The following UVRAG variants were observed in gnomAD, a reference collection of about 807,000 sequenced individuals.
UVRAG encodes UV radiation resistance-associated gene protein.
In UVRAG, 19 loss-of-function variants were observed where a neutral mutation model predicts 78.0. That is an observed-to-expected ratio of 0.24 (90% CI 0.17 to 0.36). UVRAG has a LOEUF of 0.36. UVRAG is among the 10% of genes least tolerant of loss of function. The probability of loss-of-function intolerance (pLI) is 1.00; values close to 1 mark genes in which losing one functional copy is unlikely to be tolerated. For missense variants in UVRAG, 740 were observed against 853.8 expected, an observed-to-expected ratio of 0.87 and a Z score of 1.66; for synonymous variants, 323 against 324.6, an observed-to-expected ratio of 1.00 and a Z score of 0.05.
rs1486226667 is a variant in UVRAG, at chr11:76,134,245, G to A, written c.1398-6466G>A. 2.0e-5 allele frequency among the ~76,000 whole-genome samples: 3 copies of A among 148,844 alleles called. No homozygotes were observed. The East Asian group carries it at 5.9e-4, about 29-fold the overall frequency. On this transcript the variant is annotated intron_variant, in intron 14 of 14. Coordinates refer to ENST00000356136, the MANE Select transcript of UVRAG (RefSeq NM_003369.4). ...CAAAGTGCTGGGATTACAGGCATGA[G>A]CCACCACACCTGGCCTTTTTTTTTT...
chr11:75,876,306 C>T (rs150923615), intron 3 of UVRAG, among the ~76,000 whole-genome samples: 238 of 152,262 alleles, frequency 1.6e-3, no homozygotes, highest in African/African-American at 5.4e-3. Context: ...TATATTTACC[C>T]ACATGTTTAC....
intron 14 of UVRAG, among the ~76,000 whole-genome samples, chr11:76,139,990 TTA>T (rs1952676436): frequency 8.5e-5 from 12 of 141,846 alleles, no homozygotes; most frequent in Admixed American, 7.0e-5. Context: ...GTTTTTCATT[TTA>T]AAAAAAAAAA....
At chr11:75,879,605 G>A (rs952206395) in intron 3 of UVRAG, among the ~76,000 whole-genome samples, 6 of 152,140 alleles carry the variant, frequency 3.9e-5, no homozygotes, top group Admixed American at 1.3e-4. Context: ...ATTAAGTGTC[G>A]AATAAATGAA....
chr11:75,842,358 A>G (rs1945933645), intron 1 of UVRAG, among the ~76,000 whole-genome samples: 1 of 151,938 alleles, frequency 6.6e-6, no homozygotes, highest in African/African-American at 2.4e-5. Flanking sequence ...GTATTTTAAA[A>G]TTGTGGGTGT....
chr11:75,963,853 A>T (rs1227547671), intron 7 of UVRAG, among the ~76,000 whole-genome samples: 1 of 151,984 alleles, frequency 6.6e-6, no homozygotes, highest in Non-Finnish European at 1.5e-5. Flanking sequence ...TTGAGGTGAG[A>T]TCTCACTATG....
chr11:76,129,569 G>A (rs1178177304), intron 14 of UVRAG, among the ~76,000 whole-genome samples: 9 of 152,150 alleles, frequency 5.9e-5, no homozygotes, highest in Non-Finnish European at 1.2e-4. Context: ...TCCCAGTCAC[G>A]ATAAGCTCTT....
intron 13 of UVRAG, among the ~76,000 whole-genome samples, chr11:76,085,061 C>T (rs76116837): frequency 4.0e-5 from 4 of 99,260 alleles, no homozygotes; most frequent in African/African-American, 2.0e-4. Flanking sequence ...GAGACCCTGT[C>T]TCAAAAAAAA....
intron 8 of UVRAG, among the ~76,000 whole-genome samples, chr11:75,994,735 C>T (rs1373125422): frequency 6.6e-6 from 1 of 152,178 alleles, no homozygotes; most frequent in Non-Finnish European, 1.5e-5. Flanking sequence ...TACTCCAAAG[C>T]CTGTCTTGTT....
At chr11:75,914,706 C>G (rs1402540367) in intron 6 of UVRAG, 2 of 152,164 alleles carry the variant, frequency 1.3e-5, no homozygotes, top group East Asian at 1.9e-4. Flanking sequence ...GTTGGTCAGG[C>G]TGGTCTTGAA....
At chr11:75,831,853 C>G (rs1945666287) in intron 1 of UVRAG, among the ~76,000 whole-genome samples, 1 of 152,206 alleles carries the variant, frequency 6.6e-6, no homozygotes, top group South Asian at 2.1e-4. Context: ...GTAGCTTAGC[C>G]TAGCCTGTGT....
chr11:75,944,173 C>CA (rs1408785720), intron 6 of UVRAG, among the ~76,000 whole-genome samples: 3 of 152,104 alleles, frequency 2.0e-5, no homozygotes, highest in African/African-American at 7.2e-5. Flanking sequence ...ATTCCCAATA[C>CA]CCTAAACAGC....
intron 9 of UVRAG, among the ~76,000 whole-genome samples, chr11:76,006,737 C>A (rs1040179806): frequency 4.3e-5 from 6 of 139,404 alleles, no homozygotes; most frequent in Admixed American, 1.4e-4. Context: ...GTTGTTTTTA[C>A]TTTTTTTCTT....
chr11:76,089,725 A>G (rs1336593776), intron 13 of UVRAG, among the ~76,000 whole-genome samples: 3 of 152,346 alleles, frequency 2.0e-5, no homozygotes, highest in Non-Finnish European at 4.4e-5. Context: ...AGATTATGTT[A>G]CTACTTGCCT....
chr11:75,875,774 T>C (rs993908247), intron 3 of UVRAG, among the ~76,000 whole-genome samples: 3 of 152,210 alleles, frequency 2.0e-5, no homozygotes, highest in African/African-American at 7.2e-5. Context: ...ACTTATGCTG[T>C]TTAGGGGTAT....
At chr11:76,014,193 A>G (rs1191301319) in intron 11 of UVRAG, among the ~76,000 whole-genome samples, 1 of 152,248 alleles carries the variant, frequency 6.6e-6, no homozygotes, top group Non-Finnish European at 1.5e-5. Flanking sequence ...ATGTAGTCTC[A>G]AAATATACAA....
intron 12 of UVRAG, among the ~76,000 whole-genome samples, chr11:76,040,572 G>T (rs1052282434): frequency 6.6e-6 from 1 of 151,686 alleles, no homozygotes; most frequent in Admixed American, 6.6e-5. Flanking sequence ...TTTGGTTGGG[G>T]CGGGGACGGA....
chr11:75,912,356 A>G (rs1438441536), intron 6 of UVRAG, among the ~76,000 whole-genome samples: 1 of 152,212 alleles, frequency 6.6e-6, no homozygotes, highest in African/African-American at 2.4e-5. Flanking sequence ...AGTTAGACTT[A>G]TCAAAGTCTT....
At position 75,824,663 on chromosome 11, in the gene UVRAG, T is replaced by C. The variant is rs1052733973; in HGVS notation, c.117+9139T>C. On this transcript the variant is annotated intron_variant, in intron 1 of 14. Transcript: ENST00000356136. ...TGTTACTGCTGGGGAGAAAAAGAAGTTTGTCATTTTTTTTTTTTTTTTTTT... is the reference window on the plus strand; with the variant it reads ...TGTTACTGCTGGGGAGAAAAAGAAGCTTGTCATTTTTTTTTTTTTTTTTTT... Among the ~76,000 whole-genome samples, 5 of 150,102 alleles carry C rather than the reference T, an allele frequency of 3.3e-5. No homozygotes were observed. The South Asian group carries it at 1.0e-3, about 31-fold the overall frequency.
chr11:76,132,516 TAAAAC>T lies in UVRAG; in HGVS notation c.1398-8192_1398-8188del, dbSNP rs1470387573. Among the ~76,000 whole-genome samples, 4 of 151,692 alleles carry T rather than the reference TAAAAC, an allele frequency of 2.6e-5. No homozygotes were observed. The East Asian group carries it at 7.7e-4, about 29-fold the overall frequency. Reference sequence around the variant, plus strand: ...AGTGTGGGACCTGGTTGTAGACAGATAAAACAAGTACAAGTGAATCTGAAAGAGAA... The same window carrying T: ...AGTGTGGGACCTGGTTGTAGACAGATAAGTACAAGTGAATCTGAAAGAGAA... On this transcript the variant is annotated intron_variant, in intron 14 of 14. Transcript: ENST00000356136.
Sources: allele counts gnomAD v4.1 joint callset (sites outside exome capture counted in the v4.1 genomes callset), GRCh38; gene constraint gnomAD v4.1.1; transcripts MANE v1.5; gene names NCBI Gene and HGNC (gene_info 2026-07-23, HGNC 2026-07-21).